The following EPHA5 variants were observed in gnomAD, a reference collection of about 807,000 sequenced individuals.
EPHA5 encodes EPH receptor A5.
A neutral mutation model predicts 105.0 loss-of-function variants in EPHA5; 60 were observed. The ratio of observed to expected loss-of-function variants is 0.57; its 90% CI spans 0.46 to 0.71. The LOEUF is 0.71. Ranked by LOEUF, EPHA5 falls within the 30% of genes least tolerant of loss-of-function variation. The pLI, the probability that EPHA5 is intolerant of heterozygous loss-of-function variation, is 0.00. For missense variants in EPHA5, 1,218 were observed against 1,274.7 expected (o/e 0.96, Z 0.68); for synonymous variants, 513 against 449.1 (o/e 1.14, Z -1.80).
intron 8 of EPHA5, among the ~76,000 whole-genome samples, chr4:65,395,073 C>A (rs115069207): frequency 0.013 from 2,019 of 152,170 alleles, 46 homozygotes; most frequent in African/African-American, 0.046. Context: ...TTGAAGAAAA[C>A]TTTCTAAGTT....
Position 65,527,000 on chromosome 4 carries a change from C to A in EPHA5, c.911-31457G>T, listed in dbSNP as rs1013099509. ...AAATGGGTAAGTGTAAATGTAGTTA[C>A]CATTTCAAATAAATCAGACTAAAAA... On this transcript the variant is annotated intron_variant, in intron 3 of 16. Coordinates refer to ENST00000613740, the MANE Select transcript of EPHA5 (RefSeq NM_001281766.3). Among the ~76,000 whole-genome samples, 8 of 152,044 alleles carry A rather than the reference C, an allele frequency of 5.3e-5. No homozygotes were observed. In the East Asian group the frequency reaches 1.4e-3, roughly 26 times the overall value.
intron 3 of EPHA5, among the ~76,000 whole-genome samples, chr4:65,596,193 C>T (rs757565001): frequency 6.6e-5 from 10 of 152,056 alleles, no homozygotes; most frequent in Non-Finnish European, 1.3e-4. Flanking sequence ...TTTGTGTTAG[C>T]GGCATGTGTG....
chr4:65,348,793 GTATA>G lies in EPHA5; in HGVS notation c.2446-594_2446-591del, dbSNP rs1553896810. ...TATGTGTGTGCATGTGTGTGTGTGT[GTATA>G]TATATATATATATATATATTTTTTT... On this transcript the variant is annotated intron_variant, in intron 13 of 16. Coordinates refer to ENST00000613740, the MANE Select transcript of EPHA5 (RefSeq NM_001281766.3). Among the ~76,000 whole-genome samples, 33 of 42,850 alleles carry G rather than the reference GTATA, an allele frequency of 7.7e-4. 4 individuals carry two copies. Among genetic ancestry groups the G allele is most frequent in the African/African-American group, 3.4e-3 (33 of 9,782 alleles). The allele number at this position is 42,850 out of a possible 152,430, so 28.1% of individuals were successfully genotyped here. A position where few individuals can be genotyped will look rare whatever the true frequency, so the allele number is the denominator to read the frequency against.
intron 3 of EPHA5, among the ~76,000 whole-genome samples, chr4:65,567,739 G>A (rs962811595): frequency 3.3e-5 from 5 of 151,438 alleles, no homozygotes; most frequent in South Asian, 2.1e-4. Context: ...TAGTATGTTC[G>A]ACTCAAAATA....
intron 5 of EPHA5, 41 bp from the exon 6 acceptor site, chr4:65,420,606 G>A (rs1337349788): frequency 1.9e-6 from 3 of 1,590,388 alleles, no homozygotes; most frequent in Non-Finnish European, 1.7e-6. Flanking sequence ...GATTAATAAG[G>A]CCCTAAAAGT....
At chr4:65,471,347 A>G (rs976292024) in intron 5 of EPHA5, among the ~76,000 whole-genome samples, 1 of 152,210 alleles carries the variant, frequency 6.6e-6, no homozygotes, top group African/African-American at 2.4e-5. Flanking sequence ...TTCTCATAAA[A>G]TTTAATTGTC....
At chr4:65,340,868 C>T (rs1721645162) in intron 14 of EPHA5, among the ~76,000 whole-genome samples, 1 of 152,110 alleles carries the variant, frequency 6.6e-6, no homozygotes, top group South Asian at 2.1e-4. Context: ...ATCACATGTG[C>T]ACCTGCATAA....
chr4:65,480,405 G>A (rs1041152680), intron 5 of EPHA5, among the ~76,000 whole-genome samples: 1 of 151,984 alleles, frequency 6.6e-6, no homozygotes, highest in Non-Finnish European at 1.5e-5. Context: ...GTTTCTCCTC[G>A]CATAAAGGTA....
chr4:65,461,964 C>T (rs1728166040), intron 5 of EPHA5, among the ~76,000 whole-genome samples: 1 of 151,922 alleles, frequency 6.6e-6, no homozygotes, highest in African/African-American at 2.4e-5. Context: ...GTTAACCAAG[C>T]AGAACATGCC....
At chr4:65,437,377 G>T (rs902318031) in intron 5 of EPHA5, among the ~76,000 whole-genome samples, 23 of 151,860 alleles carry the variant, frequency 1.5e-4, no homozygotes, top group African/African-American at 4.8e-4. Flanking sequence ...GGCCTTAATG[G>T]TGTCCATCAT....
At chr4:65,325,462 AC>A (rs80153275) in intron 16 of EPHA5, among the ~76,000 whole-genome samples, 27,820 of 149,016 alleles carry the variant, frequency 0.19, 2,879 homozygotes, top group South Asian at 0.24. Flanking sequence ...GCAAGCAGCT[AC>A]CCCCCCAAAA....
chr4:65,403,760 A>G (rs1010125095), intron 8 of EPHA5, among the ~76,000 whole-genome samples: 10 of 152,122 alleles, frequency 6.6e-5, no homozygotes, highest in African/African-American at 2.4e-4. Context: ...TATGTAATAT[A>G]TTATATATTC....
intron 2 of EPHA5, among the ~76,000 whole-genome samples, chr4:65,638,558 A>G (rs368737796): frequency 2.4e-3 from 361 of 152,162 alleles, no homozygotes; most frequent in African/African-American, 8.4e-3. Flanking sequence ...ACCACCATGG[A>G]AAAACCCCGT....
intron 5 of EPHA5, among the ~76,000 whole-genome samples, chr4:65,423,315 G>A (rs767554318): frequency 5.3e-5 from 8 of 151,802 alleles, no homozygotes; most frequent in Non-Finnish European, 1.0e-4. Flanking sequence ...GTGACATAGG[G>A]TTTACTGTTC....
At chr4:65,348,659 G>GGTATATATATATATATAT (rs1311162748) in intron 13 of EPHA5, among the ~76,000 whole-genome samples, 2 of 60,228 alleles carry the variant, frequency 3.3e-5, no homozygotes, top group Non-Finnish European at 6.6e-5. Context: ...AAACATTGGA[G>GGTATATATATATATATAT]ATATATATAT....
intron 2 of EPHA5, among the ~76,000 whole-genome samples, chr4:65,634,389 T>C (rs976756334): frequency 4.6e-5 from 7 of 152,068 alleles, no homozygotes; most frequent in Non-Finnish European, 1.0e-4. Flanking sequence ...TTTGTATATA[T>C]CAAAGACTAA....
At chr4:65,336,947 T>C (rs997331018) in intron 14 of EPHA5, among the ~76,000 whole-genome samples, 1 of 152,146 alleles carries the variant, frequency 6.6e-6, no homozygotes, top group African/African-American at 2.4e-5. Flanking sequence ...TGAACATATT[T>C]CTCAATATCT....
intron 3 of EPHA5, among the ~76,000 whole-genome samples, chr4:65,547,748 T>C (rs563165934): frequency 6.6e-5 from 10 of 151,896 alleles, no homozygotes; most frequent in Non-Finnish European, 8.8e-5. Flanking sequence ...TCTCATAGGG[T>C]CAGGGAAAGA....
intron 5 of EPHA5, among the ~76,000 whole-genome samples, chr4:65,475,166 A>G (rs895796538): frequency 2.0e-5 from 3 of 152,110 alleles, no homozygotes; most frequent in Non-Finnish European, 4.4e-5. Context: ...GTTTTATTTT[A>G]TTAGCCTTTA....
Sources: allele counts gnomAD v4.1 joint callset (sites outside exome capture counted in the v4.1 genomes callset), GRCh38; gene constraint gnomAD v4.1.1; transcripts MANE v1.5; gene names NCBI Gene and HGNC (gene_info 2026-07-23, HGNC 2026-07-21).